The following RUNX1 variants were observed in gnomAD, a reference collection of about 807,000 sequenced individuals.
RUNX1 encodes runt-related transcription factor 1.
RUNX1 carries 19 observed loss-of-function variants against 42.8 expected under a neutral mutation model. That is an observed-to-expected ratio of 0.44 (90% CI 0.31 to 0.65). The LOEUF is 0.65. Among genes scored for constraint, RUNX1 ranks in the 30% least tolerant of loss-of-function variants. RUNX1 has a pLI of 0.07. For missense variants in RUNX1, 528 were observed against 672.0 expected (o/e 0.79, Z 2.37); for synonymous variants, 271 against 289.4 (o/e 0.94, Z 0.64).
intron 2 of RUNX1, among the ~76,000 whole-genome samples, chr21:34,944,217 C>T (rs1467540410): frequency 6.6e-6 from 1 of 152,136 alleles, no homozygotes; most frequent in African/African-American, 2.4e-5. Flanking sequence ...ACTATGTTGG[C>T]CAGGCTTGTC....
At chr21:34,802,239 G>A (rs2056617630) in intron 7 of RUNX1, among the ~76,000 whole-genome samples, 1 of 152,212 alleles carries the variant, frequency 6.6e-6, no homozygotes, top group Admixed American at 6.5e-5. Context: ...AGAGCACAGG[G>A]CTACTTGTTC....
At chr21:34,852,010 T>C (rs2057426604) in intron 6 of RUNX1, among the ~76,000 whole-genome samples, 1 of 151,858 alleles carries the variant, frequency 6.6e-6, no homozygotes, top group African/African-American at 2.4e-5. Context: ...CTACTAAAAA[T>C]ACAAAAAATT....
At chr21:34,801,354 G>T (rs2056605036) in intron 7 of RUNX1, among the ~76,000 whole-genome samples, 2 of 152,048 alleles carry the variant, frequency 1.3e-5, no homozygotes, top group African/African-American at 4.8e-5. Flanking sequence ...AAAGTACTAT[G>T]CCATGATTCA....
intron 6 of RUNX1, among the ~76,000 whole-genome samples, chr21:34,850,465 A>G (rs1307117552): frequency 6.6e-6 from 1 of 152,256 alleles, no homozygotes; most frequent in Non-Finnish European, 1.5e-5. Context: ...GCCTAGTACA[A>G]GAATTCCGAC....
At chr21:35,038,211 A>G (rs565253235) in intron 2 of RUNX1, among the ~76,000 whole-genome samples, 1 of 152,192 alleles carries the variant, frequency 6.6e-6, no homozygotes, top group Non-Finnish European at 1.5e-5. Context: ...GTGGTGGATG[A>G]TGGTGACAGG....
intron 6 of RUNX1, among the ~76,000 whole-genome samples, chr21:34,842,263 C>G (rs1003671211): frequency 1.3e-5 from 2 of 152,118 alleles, no homozygotes; most frequent in Non-Finnish European, 2.9e-5. Flanking sequence ...GAGGCCGACA[C>G]AGGCGGGTCA....
chr21:34,948,989 C>G (rs1044458003), intron 2 of RUNX1, among the ~76,000 whole-genome samples: 4 of 151,964 alleles, frequency 2.6e-5, no homozygotes, highest in Non-Finnish European at 5.9e-5. Flanking sequence ...CTCCTGACCT[C>G]GTAATCTGCC....
At chr21:35,015,447 T>C (rs2059152624) in intron 2 of RUNX1, among the ~76,000 whole-genome samples, 1 of 152,168 alleles carries the variant, frequency 6.6e-6, no homozygotes, top group South Asian at 2.1e-4. Context: ...ATAATGGGTT[T>C]GGAAGGATGA....
chr21:34,953,413 C>A (rs932035698), intron 2 of RUNX1, among the ~76,000 whole-genome samples: 4 of 152,104 alleles, frequency 2.6e-5, no homozygotes, highest in African/African-American at 7.2e-5. Context: ...TTCTAAAGGG[C>A]CTTTTCCTTC....
intron 3 of RUNX1, chr21:34,888,319 C>T: frequency 2.8e-6 from 3 of 1,067,602 alleles, no homozygotes; most frequent in Non-Finnish European, 2.3e-6. Context: ...TCGGGTTACA[C>T]ACGCACGCAC....
In RUNX1 at chr21:34,908,935, C is replaced by CTG. The variant is rs574417905; in HGVS notation, c.59-15974_59-15973dup. ...CTATATTTTCTTGGGGCTGGTGTGT[C>CTG]TGTGTGTGTGTGTCTGTGTGTGTGT... On this transcript the variant is annotated intron_variant, in intron 2 of 8. Coordinates refer to ENST00000675419, the MANE Select transcript of RUNX1 (RefSeq NM_001754.5). Among the ~76,000 whole-genome samples the CTG allele has an allele frequency of 4.2e-4, 64 of 151,380 alleles. No individual in the cohort carries two copies. In the South Asian group the frequency reaches 0.011, roughly 27 times the overall value.
At chr21:34,805,526 T>TC (rs2056667368) in intron 7 of RUNX1, among the ~76,000 whole-genome samples, 1 of 152,182 alleles carries the variant, frequency 6.6e-6, no homozygotes, top group African/African-American at 2.4e-5. Context: ...AGAATTACAT[T>TC]ATCTTTCTCT....
In RUNX1 at chr21:34,989,171, G is replaced by A. The variant is rs2058916856; in HGVS notation, c.58+59671C>T. On this transcript the variant is annotated intron_variant, in intron 2 of 8. Coordinates refer to ENST00000675419, the MANE Select transcript of RUNX1 (RefSeq NM_001754.5). ...TTACAGGCGCCCGCCGCCACACCCA[G>A]CTAATTTTTGTATTTTTAGTAGAGA... Among the ~76,000 whole-genome samples, 6 of 152,158 alleles carry A rather than the reference G, an allele frequency of 3.9e-5. No homozygotes were observed. The South Asian group carries it at 1.2e-3, about 32-fold the overall frequency.
intron 2 of RUNX1, among the ~76,000 whole-genome samples, chr21:35,006,246 T>C (rs191235492): frequency 1.3e-5 from 2 of 152,226 alleles, no homozygotes; most frequent in South Asian, 2.1e-4. Flanking sequence ...ACGTGGAAGA[T>C]TGGAGATTTA....
chr21:34,861,409 C>T (rs2057573258), intron 5 of RUNX1, among the ~76,000 whole-genome samples: 1 of 152,170 alleles, frequency 6.6e-6, no homozygotes, highest in Admixed American at 6.5e-5. Flanking sequence ...CAATGACAGC[C>T]ACAGACGGGG....
chr21:35,048,828 C>T lies in RUNX1; in HGVS notation c.58+14G>A. ...TGAGCAAAAGTAGATATTACAAGAC[C>T]AGCATGTACTCACCTCTCATGAAGC... is the stretch of plus-strand genomic sequence containing the variant. On this transcript the variant is annotated intron_variant, in intron 2 of 8. Coordinates refer to ENST00000675419, the MANE Select transcript of RUNX1 (RefSeq NM_001754.5). The T allele has an allele frequency of 6.2e-7, 1 of 1,608,072 alleles. No homozygotes were observed. Among genetic ancestry groups the T allele is most frequent in the Non-Finnish European group, 8.5e-7 (1 of 1,174,532 alleles).
chr21:34,916,101 C>G (rs2058310055), intron 2 of RUNX1, among the ~76,000 whole-genome samples: 1 of 152,104 alleles, frequency 6.6e-6, no homozygotes, highest in Non-Finnish European at 1.5e-5. Context: ...GGCAGAAAGC[C>G]TCAAGATTTT....
At chr21:34,965,325 C>A (rs2058711167) in intron 2 of RUNX1, among the ~76,000 whole-genome samples, 1 of 152,006 alleles carries the variant, frequency 6.6e-6, no homozygotes, top group African/African-American at 2.4e-5. Flanking sequence ...CAGTAACAGA[C>A]CAGTCAGGAA....
At chr21:34,944,198 T>TG (rs905340481) in intron 2 of RUNX1, among the ~76,000 whole-genome samples, 101 of 152,148 alleles carry the variant, frequency 6.6e-4, no homozygotes, top group Middle Eastern at 6.8e-3. Flanking sequence ...TTTGTAAAGG[T>TG]GGGGTCTCAC....
Sources: allele counts gnomAD v4.1 joint callset (sites outside exome capture counted in the v4.1 genomes callset), GRCh38; gene constraint gnomAD v4.1.1; transcripts MANE v1.5; gene names NCBI Gene and HGNC (gene_info 2026-07-23, HGNC 2026-07-21).